The following MAMDC2 variants were observed in gnomAD, a reference collection of about 807,000 sequenced individuals.
MAMDC2 encodes MAM domain-containing protein 2.
A neutral mutation model predicts 89.8 loss-of-function variants in MAMDC2; 57 were observed. That is an observed-to-expected ratio of 0.63 (90% CI 0.51 to 0.79). The LOEUF is 0.79. Ranked by LOEUF, MAMDC2 falls within the 30% of genes least tolerant of loss-of-function variation. The probability of loss-of-function intolerance (pLI) is 0.00; values close to 1 mark genes in which losing one functional copy is unlikely to be tolerated. For synonymous variants in MAMDC2, 313 were observed against 293.4 expected (o/e 1.07, Z -0.68); for missense variants, 800 against 820.6 (o/e 0.97, Z 0.31).
chr9:70,076,635 T>C (rs1166337296), intron 2 of MAMDC2, among the ~76,000 whole-genome samples: 2 of 152,166 alleles, frequency 1.3e-5, no homozygotes, highest in African/African-American at 4.8e-5. Flanking sequence ...CTGGATTGTT[T>C]TGGGGAACAA....
chr9:70,053,485 C>T (rs186928591), intron 2 of MAMDC2, among the ~76,000 whole-genome samples: 15 of 152,312 alleles, frequency 9.8e-5, no homozygotes, highest in African/African-American at 3.4e-4. Context: ...GGTTCACAGT[C>T]ATGGTCCCTG....
At chr9:70,224,693 C>T (rs73452740) in intron 12 of MAMDC2, among the ~76,000 whole-genome samples, 1,813 of 152,238 alleles carry the variant, frequency 0.012, 27 homozygotes, top group African/African-American at 0.04. Flanking sequence ...CCAATTCAAA[C>T]GCCAATCTCT....
In MAMDC2 at chr9:70,054,140, G is replaced by A. The variant is rs75547699; in HGVS notation, c.148+9443G>A. On this transcript the variant is annotated intron_variant, in intron 2 of 13. Transcript: ENST00000377182. ...TGGGACACATCCAAGTGGAGACTTCGAGCAGGGCATTGATGTAAGAATCTA... is the reference window on the plus strand; with the variant it reads ...TGGGACACATCCAAGTGGAGACTTCAAGCAGGGCATTGATGTAAGAATCTA... Among the ~76,000 whole-genome samples the A allele has an allele frequency of 7.9e-4, 121 of 152,232 alleles. 10 individuals are homozygous for A. The East Asian group carries it at 0.023, about 29-fold the overall frequency.
chr9:70,175,601 A>C (rs1456042822), intron 11 of MAMDC2, among the ~76,000 whole-genome samples: 1 of 152,220 alleles, frequency 6.6e-6, no homozygotes, highest in East Asian at 1.9e-4. Context: ...TATAGTATAC[A>C]TAGGGTTCAG....
At chr9:70,114,521 A>G (rs984905097) in intron 5 of MAMDC2, among the ~76,000 whole-genome samples, 3 of 152,056 alleles carry the variant, frequency 2.0e-5, no homozygotes, top group Non-Finnish European at 4.4e-5. Context: ...CTATTTTGCA[A>G]CCTTCATTTG....
intron 2 of MAMDC2, among the ~76,000 whole-genome samples, chr9:70,107,114 G>A (rs1828362717): frequency 6.6e-6 from 1 of 152,070 alleles, no homozygotes; most frequent in Non-Finnish European, 1.5e-5. Flanking sequence ...GGGGCCCTCC[G>A]AGAAAGCATG....
intron 9 of MAMDC2, among the ~76,000 whole-genome samples, chr9:70,166,010 G>A (rs567538834): frequency 1.3e-5 from 2 of 152,120 alleles, no homozygotes; most frequent in Non-Finnish European, 1.5e-5. Context: ...GAGGCCAAGC[G>A]GGTGGATATC....
Position 70,126,226 on chromosome 9 carries a change from G to A in MAMDC2, c.711G>A (p.Pro237=), listed in dbSNP as rs759170597. ...HFQEVAQLIS[P]LTTAPMAGCL... ...AGGAGGTGGCACAGCTCATCTCCCCGTTGACCACGGCCCCCATGGCTGGCT... is the reference window on the plus strand; with the variant it reads ...AGGAGGTGGCACAGCTCATCTCCCCATTGACCACGGCCCCCATGGCTGGCT... Residue 237 remains proline (P), a synonymous_variant, in exon 6 of 14, where the codon CCG becomes CCA. Coordinates refer to ENST00000377182, the MANE Select transcript of MAMDC2 (RefSeq NM_153267.5). 37 of 1,613,398 alleles carry A rather than the reference G, an allele frequency of 2.3e-5. No homozygotes were observed. Among genetic ancestry groups the A allele is most frequent in the African/African-American group, 4.0e-5 (3 of 74,704 alleles).
At position 70,108,249 on chromosome 9, in the gene MAMDC2, G is replaced by T. The variant is rs181738196; in HGVS notation, c.187G>T (p.Gly63Trp). 6 of 1,610,876 alleles carry T rather than the reference G, an allele frequency of 3.7e-6. No homozygotes were observed. The South Asian group carries it at 5.5e-5, about 15-fold the overall frequency. ...TGTGGATACCTCCTTTGGCAAGCAG[G>T]GGGAGAAAGCTGTGCTGCTAAGTCC... ...IYVDTSFGKQ[G>W]EKAVLLSPDL... Residue 63 changes from glycine (G) to tryptophan (W), a missense_variant, in exon 3 of 14, where the codon GGG becomes TGG. By Grantham distance (184) the Gly-to-Trp change is radical. Transcript: ENST00000377182.
chr9:70,100,181 T>A (rs900488552), intron 2 of MAMDC2, among the ~76,000 whole-genome samples: 1 of 152,230 alleles, frequency 6.6e-6, no homozygotes, highest in Non-Finnish European at 1.5e-5. Context: ...CTGTGCTAAG[T>A]ACTTACATTA....
chr9:70,193,035 A>AAACT (rs1220799643), intron 11 of MAMDC2, among the ~76,000 whole-genome samples: 2 of 152,044 alleles, frequency 1.3e-5, no homozygotes, highest in Admixed American at 6.6e-5. Flanking sequence ...GGTTCTTGCT[A>AAACT]AACTAACTTA....
intron 11 of MAMDC2, among the ~76,000 whole-genome samples, chr9:70,209,237 T>C (rs1010084569): frequency 4.6e-5 from 7 of 152,204 alleles, no homozygotes; most frequent in African/African-American, 1.7e-4. Context: ...CTGGTAGAAT[T>C]CGGCTGTGAA....
chr9:70,151,546 G>A (rs985214365), intron 9 of MAMDC2, among the ~76,000 whole-genome samples: 3 of 152,162 alleles, frequency 2.0e-5, no homozygotes, highest in Non-Finnish European at 4.4e-5. Context: ...GACTTTCTAG[G>A]GTTGGGAAGT....
intron 11 of MAMDC2, among the ~76,000 whole-genome samples, chr9:70,200,611 G>A (rs1025715432): frequency 1.4e-5 from 2 of 145,400 alleles, no homozygotes; most frequent in African/African-American, 2.5e-5. Context: ...AGCTTGATGG[G>A]GATGGCATTG....
chr9:70,096,191 T>C (rs1332765891), intron 2 of MAMDC2, among the ~76,000 whole-genome samples: 1 of 151,980 alleles, frequency 6.6e-6, no homozygotes, highest in African/African-American at 2.4e-5. Context: ...CTAATTTTTC[T>C]ATGTACTGTA....
intron 2 of MAMDC2, among the ~76,000 whole-genome samples, chr9:70,047,292 C>T (rs974116612): frequency 3.3e-5 from 5 of 151,930 alleles, no homozygotes; most frequent in Admixed American, 6.6e-5. Context: ...CCTATCATCC[C>T]GTCATCTAGG....
chr9:70,210,682 G>A (rs945478901), intron 11 of MAMDC2, among the ~76,000 whole-genome samples: 4 of 152,088 alleles, frequency 2.6e-5, no homozygotes, highest in Non-Finnish European at 4.4e-5. Flanking sequence ...CATGACGTTA[G>A]CTGGTTATTT....
chr9:70,095,917 A>C (rs1828017177), intron 2 of MAMDC2, among the ~76,000 whole-genome samples: 1 of 152,174 alleles, frequency 6.6e-6, no homozygotes, highest in African/African-American at 2.4e-5. Context: ...CACAGTGATA[A>C]TGTCCATTTT....
Position 70,109,717 on chromosome 9 carries a change from C to T in MAMDC2, c.421-3C>T. On this transcript the variant is annotated splice_polypyrimidine_tract_variant and splice_region_variant and intron_variant, in intron 3 of 13. Coordinates refer to ENST00000377182, the MANE Select transcript of MAMDC2 (RefSeq NM_153267.5). ...CTCCCCTTCTTCCCCATATGTTGTG[C>T]AGATTTTAATAGAAGGTGTACTAGG... 6.2e-7 allele frequency: 1 copy of T among 1,610,474 alleles called. No individual in the cohort carries two copies. The highest frequency in any genetic ancestry group is 8.5e-7 in the Non-Finnish European group (1 of 1,176,996).
Sources: allele counts gnomAD v4.1 joint callset (sites outside exome capture counted in the v4.1 genomes callset), GRCh38; gene constraint gnomAD v4.1.1; transcripts MANE v1.5; gene names NCBI Gene and HGNC (gene_info 2026-07-23, HGNC 2026-07-21).